The following WWOX variants were observed in gnomAD, a reference collection of about 807,000 sequenced individuals.
WWOX encodes the protein WW domain containing oxidoreductase.
In WWOX, 69 loss-of-function variants were observed where a neutral mutation model predicts 46.2. The ratio of observed to expected loss-of-function variants is 1.49; its 90% CI spans 1.23 to 1.82. WWOX has a LOEUF of 1.82. Ranked by LOEUF, WWOX falls within the 40% of genes most tolerant of loss-of-function variation. The probability of loss-of-function intolerance (pLI) is 0.00; values close to 1 mark genes in which losing one functional copy is unlikely to be tolerated. For missense variants in WWOX, 919 were observed against 542.6 expected, an observed-to-expected ratio of 1.69 and a Z score of -6.89; for synonymous variants, 359 against 202.6, an observed-to-expected ratio of 1.77 and a Z score of -6.56.
intron 8 of WWOX, among the ~76,000 whole-genome samples, chr16:78,721,565 C>T (rs1207091144): frequency 6.6e-6 from 1 of 152,106 alleles, no homozygotes. Flanking sequence ...CAATGGTAAG[C>T]CTAGGGCAGC....
intron 1 of WWOX, 45 bp downstream of exon 1, chr16:78,099,930 A>G (rs749705244): frequency 1.9e-6 from 3 of 1,545,036 alleles, no homozygotes; most frequent in Non-Finnish European, 2.6e-6. Flanking sequence ...GGGACCCTGC[A>G]CAGCCCACGG....
chr16:78,587,373 A>T (rs2045235528), intron 8 of WWOX, among the ~76,000 whole-genome samples: 1 of 152,004 alleles, frequency 6.6e-6, no homozygotes. Context: ...AATTTCAGAG[A>T]AAGCAACCAA....
chr16:78,666,358 G>T (rs2142188125), intron 8 of WWOX, among the ~76,000 whole-genome samples: 1 of 152,196 alleles, frequency 6.6e-6, no homozygotes, highest in East Asian at 1.9e-4. Flanking sequence ...GTCATAACCT[G>T]GCTCCTTACT....
chr16:78,830,640 A>G (rs913417354), intron 8 of WWOX, among the ~76,000 whole-genome samples: 7 of 151,702 alleles, frequency 4.6e-5, no homozygotes, highest in Non-Finnish European at 1.0e-4. Context: ...CAGTACCTCT[A>G]TTTTCCTAAC....
rs1396215617 is a variant in WWOX at position 78,164,348 on chromosome 16, A to G, written c.516+59A>G. 2.2e-5 allele frequency: 33 copies of G among 1,476,986 alleles called. No individual in the cohort carries two copies. The South Asian group carries it at 2.9e-4, about 13-fold the overall frequency. The allele number at this position is 1,476,986 out of a possible 1,614,324, so 91.5% of individuals were successfully genotyped here. ...GTCAAATACACATGCCGGGCTAACC[A>G]TATGGAGATTTCAGTGGAGTGTGTA... On this transcript the variant is annotated intron_variant, in intron 5 of 8. Coordinates refer to ENST00000566780, the MANE Select transcript of WWOX (RefSeq NM_016373.4).
In WWOX at chr16:79,117,051, T is replaced by C. The variant is rs564167525; in HGVS notation, c.1057-94557T>C. ...GTCAACAAGTGGAATATTTTTATTTTTTTTATTGTTATTGTTTTGAGACAG... is the reference window on the plus strand; with the variant it reads ...GTCAACAAGTGGAATATTTTTATTTCTTTTATTGTTATTGTTTTGAGACAG... On this transcript the variant is annotated intron_variant, in intron 8 of 8. Coordinates refer to ENST00000566780, the MANE Select transcript of WWOX (RefSeq NM_016373.4). Among the ~76,000 whole-genome samples the C allele has an allele frequency of 2.0e-5, 3 of 152,100 alleles. No homozygotes were observed. The East Asian group carries it at 5.8e-4, about 29-fold the overall frequency.
intron 8 of WWOX, chr16:78,691,143 C>T (rs931466041): frequency 2.6e-5 from 17 of 662,128 alleles, no homozygotes; most frequent in Admixed American, 1.4e-4. Flanking sequence ...TTCATAAAAG[C>T]AAAAGCACAG....
At chr16:78,772,382 A>G (rs547480037) in intron 8 of WWOX, among the ~76,000 whole-genome samples, 2 of 152,104 alleles carry the variant, frequency 1.3e-5, no homozygotes, top group African/African-American at 4.8e-5. Flanking sequence ...GCATTCTTTT[A>G]TATGGCTGCA....
At chr16:78,995,105 A>G (rs1032484764) in intron 8 of WWOX, among the ~76,000 whole-genome samples, 3 of 151,792 alleles carry the variant, frequency 2.0e-5, no homozygotes, top group African/African-American at 7.3e-5. Context: ...CCCTTAGATA[A>G]TAACAGTTTG....
intron 8 of WWOX, among the ~76,000 whole-genome samples, chr16:79,084,471 A>C (rs1292322490): frequency 1.3e-5 from 2 of 152,170 alleles, no homozygotes; most frequent in Middle Eastern, 3.2e-3. Context: ...CCCAGGGTAG[A>C]GTGCAGTGGT....
intron 8 of WWOX, among the ~76,000 whole-genome samples, chr16:78,915,675 G>C (rs1022423019): frequency 5.2e-5 from 7 of 135,686 alleles, no homozygotes; most frequent in African/African-American, 2.0e-4. Context: ...GAAAGTGCTT[G>C]TCTATTCCTC....
intron 8 of WWOX, among the ~76,000 whole-genome samples, chr16:79,044,192 C>T (rs543492601): frequency 2.0e-5 from 3 of 152,292 alleles, no homozygotes; most frequent in Admixed American, 6.5e-5. Context: ...TTCAGGCCCA[C>T]AGTGTAGGCA....
intron 8 of WWOX, among the ~76,000 whole-genome samples, chr16:78,826,534 G>T (rs138270460): frequency 6.6e-6 from 1 of 152,268 alleles, no homozygotes; most frequent in Non-Finnish European, 1.5e-5. Context: ...GCAGCCACAT[G>T]GCCTTCTCCT....
intron 8 of WWOX, among the ~76,000 whole-genome samples, chr16:78,631,071 G>T (rs1567449757): frequency 1.3e-5 from 2 of 152,130 alleles, no homozygotes; most frequent in African/African-American, 4.8e-5. Context: ...ATCTAGAGAT[G>T]ATTTAAAGTG....
intron 8 of WWOX, among the ~76,000 whole-genome samples, chr16:78,818,879 T>G (rs957056301): frequency 6.6e-6 from 1 of 152,132 alleles, no homozygotes; most frequent in African/African-American, 2.4e-5. Context: ...AGAGGGAATG[T>G]AAAGTGGAGG....
chr16:79,017,395 A>G (rs1239793831), intron 8 of WWOX: 2 of 127,522 alleles, frequency 1.6e-5, no homozygotes, highest in Non-Finnish European at 3.2e-5. Flanking sequence ...GCTTCACTGC[A>G]CTCCAGCCTG....
intron 5 of WWOX, among the ~76,000 whole-genome samples, chr16:78,383,421 C>G (rs35947965): frequency 0.031 from 4,736 of 152,200 alleles, 94 homozygotes; most frequent in African/African-American, 0.051. Flanking sequence ...AGATCATGAG[C>G]TAAACCAATA....
At chr16:79,059,195 A>G (rs1172666718) in intron 8 of WWOX, among the ~76,000 whole-genome samples, 1 of 152,244 alleles carries the variant, frequency 6.6e-6, no homozygotes, top group Non-Finnish European at 1.5e-5. Flanking sequence ...AATGGATTTC[A>G]TCCTAAAACT....
At chr16:79,102,531 T>C (rs960040055) in intron 8 of WWOX, among the ~76,000 whole-genome samples, 1 of 152,232 alleles carries the variant, frequency 6.6e-6, no homozygotes, top group Non-Finnish European at 1.5e-5. Context: ...TAAAAGTTGC[T>C]GAAACCCTTC....
Sources: allele counts gnomAD v4.1 joint callset (sites outside exome capture counted in the v4.1 genomes callset), GRCh38; gene constraint gnomAD v4.1.1; transcripts MANE v1.5; gene names NCBI Gene and HGNC (gene_info 2026-07-23, HGNC 2026-07-21).